The following EFCAB6 variants were observed in gnomAD, a reference collection of about 807,000 sequenced individuals.
EFCAB6 encodes EF-hand calcium-binding domain-containing protein 6.
In EFCAB6, 156 loss-of-function variants were observed where a neutral mutation model predicts 169.8. The observed-to-expected ratio is 0.92, with a 90% confidence interval of 0.81 to 1.05. The LOEUF is 1.05. EFCAB6 is among the 50% of genes least tolerant of loss of function. EFCAB6 has a pLI of 0.00. For missense variants in EFCAB6, 1,800 were observed against 1,829.1 expected (o/e 0.98, Z 0.29); for synonymous variants, 698 against 676.4 (o/e 1.03, Z -0.50).
Position 43,537,253 on chromosome 22 carries a change from C to T in EFCAB6, c.4048+124G>A. 1 of 1,259,322 alleles carries T rather than the reference C, an allele frequency of 7.9e-7. No homozygotes were observed. The highest frequency in any genetic ancestry group is 1.5e-5 in the South Asian group (1 of 67,600). 78.0% of individuals were successfully genotyped at this position (1,259,322 alleles called of 1,614,324 possible). ...AGCTGCACAGCCCACCCAGAAGTTC[C>T]CACCAGTTTCCTGTTCTGCTGCTCC... On this transcript the variant is annotated intron_variant, in intron 29 of 31. Coordinates refer to ENST00000262726, the MANE Select transcript of EFCAB6 (RefSeq NM_022785.4). This position sits in a 1 kb window ranked among gnomAD's most constrained non-coding sequence, Gnocchi z 4.3.
In EFCAB6 at chr22:43,806,909, C is replaced by G. The variant is rs114528310; in HGVS notation, c.-8+2086G>C. Among the ~76,000 whole-genome samples, 1,362 of 152,320 alleles carry G rather than the reference C, an allele frequency of 8.9e-3. 21 individuals are homozygous for G. The highest frequency in any genetic ancestry group is 0.032 in the African/African-American group (1,315 of 41,566). ...AAAGAAAAGAACCAAAAGATAAAAGCCACTCGTAATTCCATCACTTTGCTG... is the reference window on the plus strand; with the variant it reads ...AAAGAAAAGAACCAAAAGATAAAAGGCACTCGTAATTCCATCACTTTGCTG... On this transcript the variant is annotated intron_variant, in intron 2 of 31. Transcript: ENST00000262726.
chr22:43,792,912 T>G (rs998658071), intron 2 of EFCAB6, among the ~76,000 whole-genome samples: 5 of 152,240 alleles, frequency 3.3e-5, no homozygotes, highest in Admixed American at 2.0e-4. Flanking sequence ...ACACTCAGTC[T>G]CACGCATTAC....
intron 25 of EFCAB6, among the ~76,000 whole-genome samples, chr22:43,579,903 C>T (rs1224620712): frequency 6.6e-6 from 1 of 152,086 alleles, no homozygotes; most frequent in Non-Finnish European, 1.5e-5. Context: ...TCATTCCGTA[C>T]ACGCAGGCAT....
intron 24 of EFCAB6, among the ~76,000 whole-genome samples, chr22:43,589,280 C>CAAAAAA (rs1163346832): frequency 3.3e-4 from 27 of 80,938 alleles, no homozygotes; most frequent in East Asian, 1.1e-3. Context: ...GACTTCATGT[C>CAAAAAA]AAAAAAAAAA....
chr22:43,582,458 A>G (rs535895552), intron 24 of EFCAB6, among the ~76,000 whole-genome samples: 6 of 152,218 alleles, frequency 3.9e-5, no homozygotes, highest in South Asian at 2.1e-4. Context: ...CTAAGAGTCT[A>G]TGCTCAGACA....
chr22:43,536,937 A>G (rs1250238185), intron 29 of EFCAB6: 1 of 154,906 alleles, frequency 6.5e-6, no homozygotes, highest in Non-Finnish European at 1.4e-5. Context: ...CCACTGGTTT[A>G]ATTTTAAAAG....
intron 9 of EFCAB6, among the ~76,000 whole-genome samples, chr22:43,716,507 C>T (rs921715284): frequency 6.6e-6 from 1 of 152,062 alleles, no homozygotes; most frequent in Non-Finnish European, 1.5e-5. Context: ...GGTAGTAATA[C>T]TAAATCTTCC....
chr22:43,565,806 T>A (rs78507686), intron 26 of EFCAB6, among the ~76,000 whole-genome samples: 1,549 of 151,904 alleles, frequency 0.01, 27 homozygotes, highest in African/African-American at 0.036. Context: ...ACTCAGCAGG[T>A]AGCAAAAACT....
intron 17 of EFCAB6, among the ~76,000 whole-genome samples, chr22:43,661,930 A>C (rs892165102): frequency 6.6e-6 from 1 of 152,176 alleles, no homozygotes; most frequent in Non-Finnish European, 1.5e-5. Context: ...CAGCCTGACC[A>C]ATATGGTGAA....
chr22:43,584,808 T>C (rs1229696701), intron 24 of EFCAB6, among the ~76,000 whole-genome samples: 1 of 152,092 alleles, frequency 6.6e-6, no homozygotes, highest in Non-Finnish European at 1.5e-5. Flanking sequence ...TACCACCACA[T>C]CAACCCAGCT....
At chr22:43,578,903 C>T (rs117375123) in intron 25 of EFCAB6, among the ~76,000 whole-genome samples, 4,378 of 145,178 alleles carry the variant, frequency 0.03, 100 homozygotes, top group Middle Eastern at 0.072. Context: ...TCATTCCATA[C>T]GTATAGGCAT....
At chr22:43,775,826 T>TAGG (rs1020817560) in intron 3 of EFCAB6, among the ~76,000 whole-genome samples, 2 of 152,108 alleles carry the variant, frequency 1.3e-5, no homozygotes, top group Non-Finnish European at 2.9e-5. Flanking sequence ...AGGCCACATA[T>TAGG]AGGAGTTCTG....
chr22:43,596,978 G>C lies in EFCAB6; in HGVS notation c.2876+3091C>G, dbSNP rs554955029. Reference sequence around the variant, plus strand: ...TACAGCAAATTCATTTTTGTCAAAGGCACTGAGAACACACACTGGGGAAAG... The same window carrying C: ...TACAGCAAATTCATTTTTGTCAAAGCCACTGAGAACACACACTGGGGAAAG... On this transcript the variant is annotated intron_variant, in intron 23 of 31. Transcript: ENST00000262726. 3.9e-5 allele frequency among the ~76,000 whole-genome samples: 6 copies of C among 152,164 alleles called. No homozygotes were observed. In the South Asian group the frequency reaches 1.2e-3, roughly 32 times the overall value.
chr22:43,615,885 C>T lies in EFCAB6; in HGVS notation c.2503G>A (p.Glu835Lys). 6.2e-7 allele frequency: 1 copy of T among 1,613,734 alleles called. No homozygotes were observed. Among genetic ancestry groups the T allele is most frequent in the Non-Finnish European group, 8.5e-7 (1 of 1,179,942 alleles). The change falls in exon 21 of 32, where the codon GAG (glutamate) becomes AAG (lysine). Residue 835 changes from glutamate to lysine, a missense_variant. Glu to Lys is a moderately conservative substitution (Grantham distance 56, BLOSUM62 1). Coordinates refer to ENST00000262726, the MANE Select transcript of EFCAB6 (RefSeq NM_022785.4). ...QKVADSELAC[E>K]QAHQYLVTKA... ...GTAACAAGATACTGATGAGCCTGCT[C>T]ACAAGCTAGTTCTGAATCCGCAACC...
intron 20 of EFCAB6, among the ~76,000 whole-genome samples, chr22:43,621,290 C>T (rs62227019): frequency 0.2 from 31,080 of 151,630 alleles, 3,386 homozygotes; most frequent in Middle Eastern, 0.27. Flanking sequence ...TTAGTAGAGA[C>T]GGGGTTTTGC....
intron 23 of EFCAB6, among the ~76,000 whole-genome samples, chr22:43,599,103 G>A (rs1227687677): frequency 6.6e-6 from 1 of 152,180 alleles, no homozygotes; most frequent in South Asian, 2.1e-4. Flanking sequence ...GTAATGGCCT[G>A]TTAGCCCTTT....
intron 17 of EFCAB6, among the ~76,000 whole-genome samples, chr22:43,635,501 T>C (rs1268132231): frequency 6.6e-6 from 1 of 152,156 alleles, no homozygotes; most frequent in Non-Finnish European, 1.5e-5. Flanking sequence ...AGCCGTGCCA[T>C]CCAAGATACC....
chr22:43,803,727 A>G (rs1035344856), intron 2 of EFCAB6, among the ~76,000 whole-genome samples: 3 of 152,186 alleles, frequency 2.0e-5, no homozygotes, highest in African/African-American at 7.2e-5. Flanking sequence ...TAATATTAGG[A>G]TACTTCAAAA....
At chr22:43,585,209 G>T (rs1324304080) in intron 24 of EFCAB6, among the ~76,000 whole-genome samples, 2 of 151,550 alleles carry the variant, frequency 1.3e-5, no homozygotes, top group African/African-American at 4.8e-5. Flanking sequence ...TGTTCTTATG[G>T]AAAAAGTAGA....
Sources: allele counts gnomAD v4.1 joint callset (sites outside exome capture counted in the v4.1 genomes callset), GRCh38; gene constraint gnomAD v4.1.1; non-coding constraint Gnocchi (gnomAD v3.1); transcripts MANE v1.5; gene names NCBI Gene and HGNC (gene_info 2026-07-23, HGNC 2026-07-21).